The following TRDMT1 variants were observed in gnomAD, a reference collection of about 807,000 sequenced individuals.
The protein encoded by TRDMT1 is tRNA (cytosine(38)-C(5))-methyltransferase.
A neutral mutation model predicts 51.2 loss-of-function variants in TRDMT1; 49 were observed. The observed-to-expected ratio is 0.96, with a 90% CI of 0.76 to 1.21. TRDMT1 has a LOEUF of 1.21. Ranked by LOEUF, TRDMT1 falls within the 50% of genes most tolerant of loss-of-function variation. The pLI, the probability that TRDMT1 is intolerant of heterozygous loss-of-function variation, is 0.00. For synonymous variants in TRDMT1, 187 were observed against 164.6 expected (o/e 1.14, Z -1.04); for missense variants, 534 against 462.3 (o/e 1.16, Z -1.42).
rs1302272515 is a variant in TRDMT1 at position 17,146,963 on chromosome 10, A to C, written c.*2077T>G. ...GGCAAGAATCACCGTCTTCCTGTGA[A>C]TACATTCCCATAATTTAAGAATTCC... On this transcript the variant is annotated 3_prime_UTR_variant, in exon 11 of 11. Transcript: ENST00000377799. 2.0e-6 allele frequency: 2 copies of C among 985,328 alleles called. No individual in the cohort carries two copies. The highest frequency in any genetic ancestry group is 1.2e-4 in the Admixed American group (2 of 16,276). 61.0% of individuals were successfully genotyped at this position (985,328 alleles called of 1,614,324 possible).
rs758336473 is a variant in TRDMT1, at chr10:17,140,037, C to CTTTTTTTTTTTTTT, written c.*8989_*9002dup. 8.2e-4 allele frequency among the ~76,000 whole-genome samples: 18 copies of CTTTTTTTTTTTTTT among 21,920 alleles called. 7 individuals are homozygous for CTTTTTTTTTTTTTT. The highest frequency in any genetic ancestry group is 3.4e-3 in the African/African-American group (18 of 5,356). The allele number at this position is 21,920 out of a possible 152,430, so 14.4% of individuals were successfully genotyped here. A position where few individuals can be genotyped will look rare whatever the true frequency, so the allele number is the denominator to read the frequency against. On this transcript the variant is annotated 3_prime_UTR_variant, in exon 11 of 11. Transcript: ENST00000377799. ...TATTCTTCCAGTAACATCTAGTGTG[C>CTTTTTTTTTTTTTT]TTTTTTTTTTTTTTTTTTTTTTTTT...
Position 17,148,898 on chromosome 10 carries a change from T to A in TRDMT1, c.*142A>T, listed in dbSNP as rs945822424. ...ATTTGATGAAACACATGGATTTTTT[T>A]AATAAAATCCAAATTTCTTAATAAG... On this transcript the variant is annotated 3_prime_UTR_variant, in exon 11 of 11. Transcript: ENST00000377799. 172 of 1,287,454 alleles carry A rather than the reference T, an allele frequency of 1.3e-4. No homozygotes were observed. Among genetic ancestry groups the A allele is most frequent in the Admixed American group, 7.4e-4 (21 of 28,312 alleles). 79.8% of individuals were successfully genotyped at this position (1,287,454 alleles called of 1,614,324 possible).
chr10:17,161,394 A>G, intron 5 of TRDMT1, 89 bp downstream of exon 5: 3 of 965,328 alleles, frequency 3.1e-6, no homozygotes, highest in South Asian at 2.7e-5. Context: ...GAATGTATGC[A>G]CTGGTTTTTA....
At chr10:17,184,157 G>A (rs1472724740) in intron 1 of TRDMT1, among the ~76,000 whole-genome samples, 1 of 152,150 alleles carries the variant, frequency 6.6e-6, no homozygotes, top group Non-Finnish European at 1.5e-5. Flanking sequence ...AGAAACACAT[G>A]TGATGCAGTC....
rs1839263392 is a variant in TRDMT1, at chr10:17,154,720, A to G, written c.902T>C (p.Ile301Thr). Reference protein sequence around the residue: ...VCFTKGYGSYIEGTGSVLQTA... With the variant: ...VCFTKGYGSYTEGTGSVLQTA... The stretch of plus-strand genomic sequence containing the variant: ...CTGTAACACAGACCCTGTCCCTTCT[A>G]TGTAGCTTCCATATCTGAAAAATCA... The change falls in exon 9 of 11, where the codon ATA (isoleucine) becomes ACA (threonine). Residue 301 changes from isoleucine (I) to threonine (T), a missense_variant. Coordinates refer to ENST00000377799, the MANE Select transcript of TRDMT1 (RefSeq NM_004412.7). 1.9e-6 allele frequency: 3 copies of G among 1,604,350 alleles called. No individual in the cohort carries two copies. Among genetic ancestry groups the G allele is most frequent in the Non-Finnish European group, 2.6e-6 (3 of 1,175,678 alleles).
rs151107746 is a variant in TRDMT1 at position 17,154,942 on chromosome 10, G to A, written c.888-208C>T. On this transcript the variant is annotated intron_variant, in intron 8 of 10. Coordinates refer to ENST00000377799, the MANE Select transcript of TRDMT1 (RefSeq NM_004412.7). ...CATTTAAACGTCTCATCAATGGGCC[G>A]GGCACAGTGGCTAATGTCTATAATC... Among the ~76,000 whole-genome samples, 804 of 152,210 alleles carry A rather than the reference G, an allele frequency of 5.3e-3. 4 individuals are homozygous for A. Among genetic ancestry groups the A allele is most frequent in the Middle Eastern group, 0.024 (7 of 294 alleles).
chr10:17,144,821 T>C lies in TRDMT1; in HGVS notation c.*4219A>G. On this transcript the variant is annotated 3_prime_UTR_variant, in exon 11 of 11. Coordinates refer to ENST00000377799, the MANE Select transcript of TRDMT1 (RefSeq NM_004412.7). Reference sequence around the variant, plus strand: ...CAACAAAAAATACTTTTTCTTTTTTTTTTTAAACTGAAGCTTTAAAATTTC... The same window carrying C: ...CAACAAAAAATACTTTTTCTTTTTTCTTTTAAACTGAAGCTTTAAAATTTC... 2 of 985,386 alleles carry C rather than the reference T, an allele frequency of 2.0e-6. No individual in the cohort carries two copies. The highest frequency in any genetic ancestry group is 2.4e-6 in the Non-Finnish European group (2 of 829,896). The allele number at this position is 985,386 out of a possible 1,614,324, so 61.0% of individuals were successfully genotyped here. A position where few individuals can be genotyped will look rare whatever the true frequency, so the allele number is the denominator to read the frequency against.
intron 1 of TRDMT1, among the ~76,000 whole-genome samples, chr10:17,198,400 CAAGT>C (rs1391374721): frequency 6.6e-6 from 1 of 152,202 alleles, no homozygotes; most frequent in Non-Finnish European, 1.5e-5. Context: ...TGATACAACT[CAAGT>C]GTCTATCAAC....
At position 17,157,550 on chromosome 10, in the gene TRDMT1, C is replaced by A; in HGVS notation, c.778G>T (p.Asp260Tyr). Reference sequence around the variant, plus strand: ...AAAAGATACTGGTTCACGTCAGTGTCATCTTCAAGAAAATCTTTTAGCATT... The same window carrying A: ...AAAAGATACTGGTTCACGTCAGTGTAATCTTCAAGAAAATCTTTTAGCATT... ...VKMLKDFLED[D>Y]TDVNQYLLPP... The change falls in exon 8 of 11, where the codon GAC becomes TAC. Residue 260 changes from aspartate to tyrosine, a missense_variant. Transcript: ENST00000377799. 1 of 1,614,036 alleles carries A rather than the reference C, an allele frequency of 6.2e-7. No homozygotes were observed. The highest frequency in any genetic ancestry group is 2.2e-5 in the East Asian group (1 of 44,860).
rs750859252 is a variant in TRDMT1, at chr10:17,157,549, T to A, written c.779A>T (p.Asp260Val). Residue 260 changes from aspartate to valine, a missense_variant, in exon 8 of 11, where the codon GAC (aspartate) becomes GTC (valine). Physicochemically the swap from Asp to Val is radical, Grantham distance 152. Transcript: ENST00000377799. Reference sequence around the variant, plus strand: ...TAAAAGATACTGGTTCACGTCAGTGTCATCTTCAAGAAAATCTTTTAGCAT... The same window carrying A: ...TAAAAGATACTGGTTCACGTCAGTGACATCTTCAAGAAAATCTTTTAGCAT... The part of the protein sequence containing the change: ...VKMLKDFLED[D>V]TDVNQYLLPP... The A allele has an allele frequency of 6.2e-7, 1 of 1,614,114 alleles. No individual in the cohort carries two copies. The highest frequency in any genetic ancestry group is 8.5e-7 in the Non-Finnish European group (1 of 1,179,966).
chr10:17,171,524 T>A (rs569805987), intron 2 of TRDMT1: 1 of 152,326 alleles, frequency 6.6e-6, no homozygotes, highest in Non-Finnish European at 1.5e-5. Context: ...AAGGCTTAAC[T>A]CTTTTGTTTT....
rs1404952326 is a variant in TRDMT1, at chr10:17,143,535, CTAAG to C, written c.*5501_*5504del. On this transcript the variant is annotated 3_prime_UTR_variant, in exon 11 of 11. Transcript: ENST00000377799. ...TAACTGGACTTGTGTAAGGAACCAG[CTAAG>C]TGAGTAAAATAGCAAATATTTTAGT... 1.2e-5 allele frequency: 12 copies of C among 985,254 alleles called. No individual in the cohort carries two copies. The highest frequency in any genetic ancestry group is 1.7e-5 in the African/African-American group (1 of 57,194). The allele number at this position is 985,254 out of a possible 1,614,324, so 61.0% of individuals were successfully genotyped here. A position where few individuals can be genotyped will look rare whatever the true frequency, so the allele number is the denominator to read the frequency against.
chr10:17,139,120 C>T lies in TRDMT1; in HGVS notation c.*9920G>A, dbSNP rs1324850982. 1.0e-6 allele frequency: 1 copy of T among 959,520 alleles called. No homozygotes were observed. The highest frequency in any genetic ancestry group is 1.2e-6 in the Non-Finnish European group (1 of 806,176). 59.4% of individuals were successfully genotyped at this position (959,520 alleles called of 1,614,324 possible). ...ACTTCAGCAGCTCCATTGGATTAAT[C>T]CAAGCTTGGTTTCCAAGGTGTGAAG... On this transcript the variant is annotated 3_prime_UTR_variant, in exon 11 of 11. Coordinates refer to ENST00000377799, the MANE Select transcript of TRDMT1 (RefSeq NM_004412.7).
Position 17,154,669 on chromosome 10 carries a change from C to A in TRDMT1, c.945+8G>T, listed in dbSNP as rs759714036. On this transcript the variant is annotated splice_region_variant and intron_variant, in intron 9 of 10. Coordinates refer to ENST00000377799, the MANE Select transcript of TRDMT1 (RefSeq NM_004412.7). ...TAAAGTGTTTTAGCTTTAAAACATGCATAGTACCTGCACATCCTCTGCAGT... is the reference window on the plus strand; with the variant it reads ...TAAAGTGTTTTAGCTTTAAAACATGAATAGTACCTGCACATCCTCTGCAGT... 1.3e-6 allele frequency: 2 copies of A among 1,579,558 alleles called. No individual in the cohort carries two copies. Among genetic ancestry groups the A allele is most frequent in the South Asian group, 2.4e-5 (2 of 83,514 alleles).
At chr10:17,173,547 C>G (rs930701481) in intron 2 of TRDMT1, among the ~76,000 whole-genome samples, 1 of 152,014 alleles carries the variant, frequency 6.6e-6, no homozygotes, top group African/African-American at 2.4e-5. Flanking sequence ...GGGTTGGAGA[C>G]TGACAGAAAT....
rs1202939617 is a variant in TRDMT1 at position 17,143,581 on chromosome 10, C to A, written c.*5459G>T. ...TATTTTAGTAAAAACGACATTCATGCTGGATTAAATTTAGAAGGCTCAAAT... is the reference window on the plus strand; with the variant it reads ...TATTTTAGTAAAAACGACATTCATGATGGATTAAATTTAGAAGGCTCAAAT... On this transcript the variant is annotated 3_prime_UTR_variant, in exon 11 of 11. Coordinates refer to ENST00000377799, the MANE Select transcript of TRDMT1 (RefSeq NM_004412.7). The A allele has an allele frequency of 1.0e-6, 1 of 985,284 alleles. No individual in the cohort carries two copies. The highest frequency in any genetic ancestry group is 6.1e-5 in the Admixed American group (1 of 16,262). The allele number at this position is 985,284 out of a possible 1,614,324, so 61.0% of individuals were successfully genotyped here. A position where few individuals can be genotyped will look rare whatever the true frequency, so the allele number is the denominator to read the frequency against.
intron 6 of TRDMT1, among the ~76,000 whole-genome samples, chr10:17,159,724 T>C (rs1840044089): frequency 6.6e-6 from 1 of 152,166 alleles, no homozygotes; most frequent in African/African-American, 2.4e-5. Context: ...GGTTTTCTAT[T>C]AATTTCTGGG....
At chr10:17,178,549 G>A (rs1385974643) in intron 1 of TRDMT1, among the ~76,000 whole-genome samples, 2 of 151,840 alleles carry the variant, frequency 1.3e-5, no homozygotes, top group Non-Finnish European at 2.9e-5. Flanking sequence ...GGTGGCACAC[G>A]CCTGTAATCC....
intron 3 of TRDMT1, among the ~76,000 whole-genome samples, chr10:17,166,852 T>G (rs1248720672): frequency 6.6e-6 from 1 of 152,148 alleles, no homozygotes; most frequent in East Asian, 1.9e-4. Flanking sequence ...TGCATTCCGC[T>G]GTGTATATCC....
Sources: gnomAD v4.1 joint callset for allele counts (sites outside exome capture counted in the v4.1 genomes callset) on GRCh38, gnomAD v4.1.1 for gene constraint, MANE v1.5 for transcripts, NCBI Gene and HGNC (gene_info 2026-07-23, HGNC 2026-07-21) for gene names.